GPATCH2L: variants seen among roughly 807,000 people sequenced by gnomAD.
GPATCH2L encodes the protein G-patch domain containing 2 like.
Under a neutral mutation model 57.4 loss-of-function variants are expected in GPATCH2L, and 31 were observed. The ratio of observed to expected loss-of-function variants is 0.54; its 90% CI spans 0.41 to 0.73. GPATCH2L has a LOEUF of 0.73. GPATCH2L is among the 30% of genes least tolerant of loss of function. The pLI is 0.00. For synonymous variants in GPATCH2L, 199 were observed against 210.7 expected (o/e 0.94, Z 0.48); for missense variants, 481 against 599.9 (o/e 0.80, Z 2.07).
At chr14:76,162,505 C>T (rs1334782187) in intron 2 of GPATCH2L, among the ~76,000 whole-genome samples, 1 of 152,162 alleles carries the variant, frequency 6.6e-6, no homozygotes, top group African/African-American at 2.4e-5. Flanking sequence ...AAGTACTACA[C>T]CGGGGTGTGC....
At chr14:76,225,647 T>G (rs1342925081) in intron 1 of GPATCH2L, among the ~76,000 whole-genome samples, 1 of 152,144 alleles carries the variant, frequency 6.6e-6, no homozygotes, top group Non-Finnish European at 1.5e-5. Flanking sequence ...GTTCTATTTA[T>G]CAAAAGACCC....
intron 1 of GPATCH2L, among the ~76,000 whole-genome samples, chr14:76,227,544 T>G (rs993258160): frequency 6.6e-6 from 1 of 152,212 alleles, no homozygotes; most frequent in African/African-American, 2.4e-5. Flanking sequence ...GTAGGATGTT[T>G]GCAACCCACA....
intron 1 of GPATCH2L, among the ~76,000 whole-genome samples, chr14:76,221,963 A>T (rs1333867437): frequency 1.3e-5 from 2 of 152,184 alleles, no homozygotes; most frequent in African/African-American, 4.8e-5. Flanking sequence ...TTAGTGTATC[A>T]ACTATGGACT....
intron 2 of GPATCH2L, among the ~76,000 whole-genome samples, chr14:76,230,786 G>A (rs191697186): frequency 1.3e-5 from 2 of 152,262 alleles, no homozygotes; most frequent in African/African-American, 4.8e-5. Context: ...ATTCATTAGC[G>A]TGGCTAGAGA....
intron 9 of GPATCH2L, among the ~76,000 whole-genome samples, chr14:76,197,203 A>G (rs1320978134): frequency 1.3e-5 from 2 of 152,106 alleles, no homozygotes; most frequent in Non-Finnish European, 2.9e-5. Context: ...TCTTCTTTTT[A>G]TATAAAACAA....
At chr14:76,165,490 CAAA>C (rs34800017) in intron 2 of GPATCH2L, among the ~76,000 whole-genome samples, 3 of 87,646 alleles carry the variant, frequency 3.4e-5, no homozygotes, top group African/African-American at 4.3e-5. Flanking sequence ...AACTCCATCT[CAAA>C]AAAAAAAAAA....
Position 76,202,031 on chromosome 14 carries a change from T to G in GPATCH2L, c.*180T>G. On this transcript the variant is annotated 3_prime_UTR_variant, in exon 10 of 10. Coordinates refer to ENST00000261530, the MANE Select transcript of GPATCH2L (RefSeq NM_017926.4). ...TCAGAAGATCATGTTGTGGGAATCTTTTTTTTAAATAGTGAAATATTGAGG... is the reference window on the plus strand; with the variant it reads ...TCAGAAGATCATGTTGTGGGAATCTGTTTTTTAAATAGTGAAATATTGAGG... The G allele has an allele frequency of 4.1e-6, 2 of 488,148 alleles. No homozygotes were observed. Among genetic ancestry groups the G allele is most frequent in the East Asian group, 3.4e-5 (1 of 29,684 alleles). The allele number at this position is 488,148 out of a possible 1,614,324, so 30.2% of individuals were successfully genotyped here.
intron 9 of GPATCH2L, among the ~76,000 whole-genome samples, chr14:76,196,823 G>T (rs1390968432): frequency 1.3e-5 from 2 of 152,086 alleles, no homozygotes; most frequent in East Asian, 3.9e-4. Context: ...TCACACAGAT[G>T]GGGAGGGAGC....
At chr14:76,175,015 C>A (rs908274737) in intron 5 of GPATCH2L, 1 of 152,182 alleles carries the variant, frequency 6.6e-6, no homozygotes, top group Non-Finnish European at 1.5e-5. Context: ...ACAGACAAAA[C>A]GCTGCTTTTT....
chr14:76,158,829 AC>A (rs1298299868), intron 2 of GPATCH2L, among the ~76,000 whole-genome samples: 1 of 152,148 alleles, frequency 6.6e-6, no homozygotes, highest in Non-Finnish European at 1.5e-5. Context: ...ATCCTTAGGG[AC>A]AACTAAAACA....
At chr14:76,219,846 T>C (rs2139861262) in intron 1 of GPATCH2L, among the ~76,000 whole-genome samples, 1 of 152,282 alleles carries the variant, frequency 6.6e-6, no homozygotes, top group East Asian at 1.9e-4. Context: ...TGGCAGTTAT[T>C]GGGTGAAATT....
intron 5 of GPATCH2L, chr14:76,176,360 AC>A (rs2039328513): frequency 2.2e-6 from 1 of 455,624 alleles, no homozygotes; most frequent in Non-Finnish European, 3.9e-6. Context: ...TTATTAAAAT[AC>A]CATATATGGT....
chr14:76,161,773 T>C (rs886995683), intron 2 of GPATCH2L, among the ~76,000 whole-genome samples: 1 of 152,202 alleles, frequency 6.6e-6, no homozygotes, highest in Admixed American at 6.5e-5. Flanking sequence ...CGGTGGCTCA[T>C]GCCTGTAATC....
At chr14:76,223,438 A>G (rs1300240150) in intron 1 of GPATCH2L, among the ~76,000 whole-genome samples, 1 of 152,190 alleles carries the variant, frequency 6.6e-6, no homozygotes, top group Non-Finnish European at 1.5e-5. Flanking sequence ...AACTAAAAAC[A>G]TATCAAAGAC....
chr14:76,195,673 A>G (rs374703850), intron 8 of GPATCH2L, among the ~76,000 whole-genome samples: 3 of 152,216 alleles, frequency 2.0e-5, no homozygotes, highest in African/African-American at 7.2e-5. Flanking sequence ...GAAATCAGGT[A>G]AAAAGTTTAG....
rs202118301 is a variant in GPATCH2L at position 76,211,951 on chromosome 14, G to A, written c.*10100G>A. ...AATTAGGCGATGCAGTCTAGCTTTT[G>A]TACATAGAAATAAGAAAGTGACTTA... On this transcript the variant is annotated 3_prime_UTR_variant, in exon 10 of 10. Transcript: ENST00000261530. 3 of 152,132 alleles carry A rather than the reference G, an allele frequency of 2.0e-5. No homozygotes were observed. Among genetic ancestry groups the A allele is most frequent in the Non-Finnish European group, 4.4e-5 (3 of 68,032 alleles). 9.4% of individuals were successfully genotyped at this position (152,132 alleles called of 1,614,324 possible). A position where few individuals can be genotyped will look rare whatever the true frequency, so the allele number is the denominator to read the frequency against.
At chr14:76,185,738 T>TA (rs2039741257) in intron 8 of GPATCH2L, among the ~76,000 whole-genome samples, 1 of 152,190 alleles carries the variant, frequency 6.6e-6, no homozygotes, top group Non-Finnish European at 1.5e-5. Context: ...GTAAATAAAC[T>TA]GTTTTTTCTT....
At chr14:76,178,492 T>G (rs1470729647) in intron 7 of GPATCH2L, 2 of 229,648 alleles carry the variant, frequency 8.7e-6, no homozygotes, top group Non-Finnish European at 1.8e-5. Flanking sequence ...TATTGTGTAC[T>G]TTATTTCTGT....
In GPATCH2L at chr14:76,195,938, A is replaced by G. The variant is rs1006262312; in HGVS notation, c.1254A>G (p.Pro418=). The G allele has an allele frequency of 2.5e-6, 4 of 1,613,606 alleles. No homozygotes were observed. The African/African-American group carries it at 5.3e-5, about 22-fold the overall frequency. ...GTGACATCAAGAGGAAGCGGAAACC[A>G]GTGGCCACAGCATCTTTGTCTAGCC... ...CSRDIKRKRK[P]VATASLSSPS... is the part of the protein sequence containing the mutation. Residue 418 remains proline, a synonymous_variant, in exon 9 of 10, where the codon CCA becomes CCG. Transcript: ENST00000261530.
Sources: gnomAD v4.1 joint callset for allele counts (sites outside exome capture counted in the v4.1 genomes callset) on GRCh38, gnomAD v4.1.1 for gene constraint, MANE v1.5 for transcripts, NCBI Gene and HGNC (gene_info 2026-07-23, HGNC 2026-07-21) for gene names.